The following SPAG16 variants were observed in gnomAD, a reference collection of about 807,000 sequenced individuals.
The protein encoded by SPAG16 is sperm associated antigen 16, also known as sperm-associated antigen 16 protein.
SPAG16 carries 86 observed loss-of-function variants against 80.4 expected under a neutral mutation model. The observed-to-expected ratio is 1.07, with a 90% confidence interval of 0.90 to 1.28. SPAG16 has a LOEUF of 1.28. SPAG16 is among the 50% of genes most tolerant of loss of function. The pLI, the probability that SPAG16 is intolerant of heterozygous loss-of-function variation, is 0.00. For missense variants in SPAG16, 870 were observed against 765.3 expected (o/e 1.14, Z -1.61); for synonymous variants, 294 against 265.9 (o/e 1.11, Z -1.03).
chr2:213,768,241 G>C (rs916176056), intron 10 of SPAG16, among the ~76,000 whole-genome samples: 1 of 152,138 alleles, frequency 6.6e-6, no homozygotes, highest in African/African-American at 2.4e-5. Context: ...CTAGAAAAAA[G>C]AGATAAGAAT....
intron 9 of SPAG16, among the ~76,000 whole-genome samples, chr2:213,442,744 A>G (rs13385229): frequency 6.6e-6 from 1 of 152,168 alleles, no homozygotes; most frequent in Non-Finnish European, 1.5e-5. Context: ...CACAAGGCTT[A>G]TATCTTTATA....
intron 10 of SPAG16, among the ~76,000 whole-genome samples, chr2:213,686,278 C>G (rs2125278596): frequency 6.6e-6 from 1 of 152,246 alleles, no homozygotes; most frequent in Middle Eastern, 3.4e-3. Flanking sequence ...ACCACCATGC[C>G]CAGCTAATTT....
chr2:213,391,272 A>C (rs1040564596), intron 9 of SPAG16, among the ~76,000 whole-genome samples: 2 of 152,180 alleles, frequency 1.3e-5, no homozygotes, highest in Non-Finnish European at 2.9e-5. Context: ...CGTTTCAAAA[A>C]AATAAATAAA....
At chr2:213,432,994 G>T (rs974024368) in intron 9 of SPAG16, among the ~76,000 whole-genome samples, 1 of 151,992 alleles carries the variant, frequency 6.6e-6, no homozygotes, top group East Asian at 1.9e-4. Flanking sequence ...ACAAAATTAA[G>T]GACAAAACCA....
intron 11 of SPAG16, among the ~76,000 whole-genome samples, chr2:213,909,192 G>A (rs1042162120): frequency 6.6e-6 from 1 of 152,064 alleles, no homozygotes; most frequent in African/African-American, 2.4e-5. Context: ...ACCTCTTCAA[G>A]GACAACTACA....
intron 10 of SPAG16, among the ~76,000 whole-genome samples, chr2:213,531,984 A>T (rs1378452687): frequency 6.6e-6 from 1 of 152,308 alleles, no homozygotes; most frequent in Admixed American, 6.5e-5. Flanking sequence ...CCAAAAAAAC[A>T]CTGAGCAATC....
At chr2:213,396,833 A>C in intron 9 of SPAG16, 2 of 237,426 alleles carry the variant, frequency 8.4e-6, no homozygotes, top group East Asian at 1.2e-4. Context: ...GTCTTCATAA[A>C]AGGAGTCCAG....
intron 15 of SPAG16, among the ~76,000 whole-genome samples, chr2:214,321,736 G>C (rs1696111691): frequency 6.6e-6 from 1 of 152,032 alleles, no homozygotes; most frequent in South Asian, 2.1e-4. Flanking sequence ...TTATTAGACT[G>C]GTATATTATT....
chr2:214,218,387 T>C (rs931614601), intron 15 of SPAG16, among the ~76,000 whole-genome samples: 1 of 152,150 alleles, frequency 6.6e-6, no homozygotes, highest in Non-Finnish European at 1.5e-5. Context: ...TTCCCAGCAC[T>C]GGTTTGTGCC....
chr2:214,108,080 G>A, intron 13 of SPAG16, 116 bp from the exon 14 acceptor site: 3 of 688,398 alleles, frequency 4.4e-6, no homozygotes, highest in Non-Finnish European at 7.4e-6. Flanking sequence ...TGGTGAGAAT[G>A]TATTAATTCT....
chr2:213,823,410 G>A (rs1470017864), intron 10 of SPAG16, among the ~76,000 whole-genome samples: 1 of 152,148 alleles, frequency 6.6e-6, no homozygotes, highest in Non-Finnish European at 1.5e-5. Context: ...GCCCAGGCTG[G>A]AGTGCAGTGG....
intron 10 of SPAG16, among the ~76,000 whole-genome samples, chr2:213,827,387 T>C (rs2073368471): frequency 6.6e-6 from 1 of 152,016 alleles, no homozygotes; most frequent in African/African-American, 2.4e-5. Flanking sequence ...AAATATCTGA[T>C]AATCTATTAT....
Position 214,284,840 on chromosome 2 carries a change from T to C in SPAG16, c.1721-125300T>C, listed in dbSNP as rs61557867. Among the ~76,000 whole-genome samples, 412 of 151,912 alleles carry C rather than the reference T, an allele frequency of 2.7e-3. 3 individuals carry two copies. Among genetic ancestry groups the C allele is most frequent in the African/African-American group, 8.7e-3 (361 of 41,466 alleles). ...GTGTGTGTGTGTGTGTGTGCATATG[T>C]ATTTGTGTGTAACCACATTGTCTTT... On this transcript the variant is annotated intron_variant, in intron 15 of 15. Coordinates refer to ENST00000331683, the MANE Select transcript of SPAG16 (RefSeq NM_024532.5).
At chr2:214,297,748 G>C (rs548064573) in intron 15 of SPAG16, among the ~76,000 whole-genome samples, 4 of 149,432 alleles carry the variant, frequency 2.7e-5, no homozygotes, top group African/African-American at 9.8e-5. Flanking sequence ...TAGACTTACA[G>C]TATAATTTGC....
At chr2:213,943,732 C>G (rs555915964) in intron 12 of SPAG16, among the ~76,000 whole-genome samples, 1 of 152,026 alleles carries the variant, frequency 6.6e-6, no homozygotes, top group African/African-American at 2.4e-5. Context: ...AAAAAGGAAC[C>G]AAAACTTAGA....
At chr2:213,761,242 CAAT>C (rs1243645398) in intron 10 of SPAG16, among the ~76,000 whole-genome samples, 1 of 151,976 alleles carries the variant, frequency 6.6e-6, no homozygotes, top group African/African-American at 2.4e-5. Flanking sequence ...AAAATGAAAA[CAAT>C]ATATCAAAAC....
At chr2:213,398,385 G>A (rs1228691975) in intron 9 of SPAG16, among the ~76,000 whole-genome samples, 2 of 151,940 alleles carry the variant, frequency 1.3e-5, no homozygotes, top group African/African-American at 2.4e-5. Flanking sequence ...AACCTCTGAG[G>A]CCCTACATTA....
intron 10 of SPAG16, among the ~76,000 whole-genome samples, chr2:213,824,622 A>T (rs574673768): frequency 1.3e-5 from 2 of 152,098 alleles, no homozygotes; most frequent in Non-Finnish European, 2.9e-5. Context: ...TGCCAGTACC[A>T]TGCTGTTTTG....
chr2:214,083,143 G>A (rs1031170861), intron 13 of SPAG16, among the ~76,000 whole-genome samples: 5 of 152,182 alleles, frequency 3.3e-5, no homozygotes, highest in Non-Finnish European at 7.4e-5. Flanking sequence ...TATTAGGAAG[G>A]AGGGTTTATT....
Sources: gnomAD v4.1 joint callset for allele counts (sites outside exome capture counted in the v4.1 genomes callset) on GRCh38, gnomAD v4.1.1 for gene constraint, MANE v1.5 for transcripts, NCBI Gene and HGNC (gene_info 2026-07-23, HGNC 2026-07-21) for gene names.